SYTL3: variants seen among roughly 807,000 people sequenced by gnomAD.
The protein encoded by SYTL3 is synaptotagmin-like protein 3.
Under a neutral mutation model 82.1 loss-of-function variants are expected in SYTL3, and 88 were observed. That is an observed-to-expected ratio of 1.07 (90% CI 0.90 to 1.28). The LOEUF is 1.28. SYTL3 is among the 50% of genes most tolerant of loss of function. The probability of loss-of-function intolerance (pLI) is 0.00; values close to 1 mark genes in which losing one functional copy is unlikely to be tolerated. For synonymous variants in SYTL3, 311 were observed against 289.4 expected (o/e 1.07, Z -0.76); for missense variants, 831 against 757.6 (o/e 1.10, Z -1.14).
chr6:158,736,889 G>A (rs118082033), intron 11 of SYTL3, among the ~76,000 whole-genome samples: 3 of 152,130 alleles, frequency 2.0e-5, no homozygotes, highest in East Asian at 3.9e-4. Context: ...AGGAATGAGA[G>A]GGGATTTGAT....
In SYTL3 at chr6:158,665,585, T is replaced by G; in HGVS notation, c.301T>G (p.Trp101Gly). 7 of 1,574,100 alleles carry G rather than the reference T, an allele frequency of 4.4e-6. No individual in the cohort carries two copies. The highest frequency in any genetic ancestry group is 6.0e-6 in the Non-Finnish European group (7 of 1,159,838). ...AGTGTTCCTGAGGGGGACCCATGCC[T>G]GGAAGTGCACGGTGTGCTTCGAGGA... ...CRVFLRGTHAWKCTVCFEDRN... is the reference protein window; with the variant it reads ...CRVFLRGTHAGKCTVCFEDRN... The change falls in exon 5 of 18, where the codon TGG becomes GGG. Residue 101 changes from tryptophan to glycine, a missense_variant. Physicochemically the swap from Trp to Gly is radical, Grantham distance 184. Coordinates refer to ENST00000611299, the MANE Select transcript of SYTL3 (RefSeq NM_001242394.2).
At chr6:158,702,978 C>T (rs1387741364) in intron 6 of SYTL3, among the ~76,000 whole-genome samples, 6 of 151,870 alleles carry the variant, frequency 4.0e-5, no homozygotes, top group Admixed American at 1.3e-4. Flanking sequence ...TACGGTGAAA[C>T]CCCATCTCTA....
rs752997381 is a variant in SYTL3, at chr6:158,665,443, C to T, written c.159C>T (p.Asn53=). 7.5e-6 allele frequency: 12 copies of T among 1,608,542 alleles called. No homozygotes were observed. In the East Asian group the frequency reaches 2.2e-4, roughly 30 times the overall value. ...ATCTCCGGTGGAAAGGAGCGAAGAA[C>T]ACGGACTGGGAGCACAAAGAGAAGT... ...LQHLRWKGAK[N]TDWEHKEKCC... Residue 53 remains asparagine (N), a synonymous_variant, in exon 5 of 18, where the codon AAC becomes AAT. Transcript: ENST00000611299.
Position 158,663,236 on chromosome 6 carries a change from C to T in SYTL3, c.-33C>T, listed in dbSNP as rs1789575574. ...AGCGCTTGGTCCATGCAGTGAAGCT[C>T]TTCCAACCTGGGTCAACGAAAACGG... On this transcript the variant is annotated 5_prime_UTR_variant, in exon 4 of 18. Coordinates refer to ENST00000611299, the MANE Select transcript of SYTL3 (RefSeq NM_001242394.2). 5 of 1,608,824 alleles carry T rather than the reference C, an allele frequency of 3.1e-6. No homozygotes were observed. Among genetic ancestry groups the T allele is most frequent in the African/African-American group, 1.3e-5 (1 of 74,844 alleles).
rs749307666 is a variant in SYTL3 at position 158,757,244 on chromosome 6, C to T, written c.1171C>T (p.Gln391Ter). ...QVAPAQLVTRQLQVSVWHLGT... is the reference protein window; with the variant it reads ...QVAPAQLVTR ...GGCCCCTGCCCAGCTGGTGACCCGGCAGCTGCAGGTCTCGGTGTGGCATCT... is the reference window on the plus strand; with the variant it reads ...GGCCCCTGCCCAGCTGGTGACCCGGTAGCTGCAGGTCTCGGTGTGGCATCT... Residue 391 changes from glutamine (Q) to a stop codon, truncating the protein, a stop_gained, in exon 14 of 18, where the codon CAG (glutamine) becomes TAG (stop). Coordinates refer to ENST00000611299, the MANE Select transcript of SYTL3 (RefSeq NM_001242394.2). LOFTEE classifies it high-confidence loss of function. 1.2e-6 allele frequency: 2 copies of T among 1,611,750 alleles called. No individual in the cohort carries two copies. The highest frequency in any genetic ancestry group is 1.7e-6 in the Non-Finnish European group (2 of 1,179,886).
intron 2 of SYTL3, among the ~76,000 whole-genome samples, chr6:158,655,651 G>T (rs577805125): frequency 6.6e-6 from 1 of 152,202 alleles, no homozygotes; most frequent in Non-Finnish European, 1.5e-5. Context: ...CTGTCAGCCG[G>T]CATTAGCTGA....
chr6:158,734,913 C>T (rs548436767), intron 11 of SYTL3, among the ~76,000 whole-genome samples: 2 of 152,324 alleles, frequency 1.3e-5, no homozygotes, highest in East Asian at 3.9e-4. Context: ...GTGCTGTTAT[C>T]CCATTTCACA....
chr6:158,703,394 C>T (rs565696944), intron 6 of SYTL3, among the ~76,000 whole-genome samples: 75 of 152,216 alleles, frequency 4.9e-4, no homozygotes, highest in African/African-American at 1.8e-3. Context: ...GGTGGGGGCC[C>T]TTGGTCCAAA....
chr6:158,689,588 A>G (rs1225981526), intron 6 of SYTL3, among the ~76,000 whole-genome samples: 1 of 150,750 alleles, frequency 6.6e-6, no homozygotes, highest in Non-Finnish European at 1.5e-5. Context: ...ATGCTTCGAG[A>G]CTTCTTCCTT....
chr6:158,732,040 G>A (rs1785479454), intron 11 of SYTL3, among the ~76,000 whole-genome samples: 1 of 152,180 alleles, frequency 6.6e-6, no homozygotes, highest in South Asian at 2.1e-4. Context: ...GGAAGACATA[G>A]TAAGTTCCTT....
intron 13 of SYTL3, among the ~76,000 whole-genome samples, chr6:158,754,454 C>T (rs916530844): frequency 6.6e-6 from 1 of 152,234 alleles, no homozygotes; most frequent in African/African-American, 2.4e-5. Flanking sequence ...GGTGTGGTGG[C>T]TCACGCCTGT....
Position 158,692,252 on chromosome 6 carries a change from C to T in SYTL3, c.394+9263C>T, listed in dbSNP as rs554685676. On this transcript the variant is annotated intron_variant, in intron 6 of 17. Coordinates refer to ENST00000611299, the MANE Select transcript of SYTL3 (RefSeq NM_001242394.2). Reference sequence around the variant, plus strand: ...CAGCCTGGGCGACAGAGCGAGACTCCGTCTCAAAAAAAAAAAAAAAAAAAA... The same window carrying T: ...CAGCCTGGGCGACAGAGCGAGACTCTGTCTCAAAAAAAAAAAAAAAAAAAA... Among the ~76,000 whole-genome samples, 514 of 58,228 alleles carry T rather than the reference C, an allele frequency of 8.8e-3. 1 individual carries two copies. The highest frequency in any genetic ancestry group is 0.012 in the Non-Finnish European group (384 of 32,058). The allele number at this position is 58,228 out of a possible 152,430, so 38.2% of individuals were successfully genotyped here.
rs1345805799 is a variant in SYTL3, at chr6:158,762,164, C to T, written c.1503C>T (p.Asn501=). Residue 501 remains asparagine (N), a synonymous_variant, in exon 16 of 18, where the codon AAC becomes AAT. Transcript: ENST00000611299. ...CTGTGCGGCCAGATGGCACCTTGAA[C>T]TCATTTGTTAAGGGGTAGGTATTCG... ...NLPVRPDGTL[N]SFVKGCLTLP... 6.2e-7 allele frequency: 1 copy of T among 1,612,738 alleles called. No individual in the cohort carries two copies.
At chr6:158,657,283 G>A (rs552243550) in intron 2 of SYTL3, among the ~76,000 whole-genome samples, 26 of 152,018 alleles carry the variant, frequency 1.7e-4, no homozygotes, top group African/African-American at 5.3e-4. Context: ...AAAATTAGCC[G>A]TGTGTGATGG....
At chr6:158,733,559 C>T (rs903261287) in intron 11 of SYTL3, among the ~76,000 whole-genome samples, 2 of 151,888 alleles carry the variant, frequency 1.3e-5, no homozygotes, top group Non-Finnish European at 2.9e-5. Context: ...GATCTCCTGA[C>T]CTCGTGATCC....
intron 5 of SYTL3, among the ~76,000 whole-genome samples, chr6:158,672,805 G>A (rs559374281): frequency 4.6e-5 from 7 of 151,788 alleles, no homozygotes; most frequent in African/African-American, 1.5e-4. Flanking sequence ...CTAATTTTTT[G>A]TATTTTTTTG....
In SYTL3 at chr6:158,663,344, C is replaced by A. The variant is rs541677337; in HGVS notation, c.76C>A (p.Gln26Lys). 6.2e-6 allele frequency: 10 copies of A among 1,614,018 alleles called. No homozygotes were observed. Among genetic ancestry groups the A allele is most frequent in the Non-Finnish European group, 8.5e-6 (10 of 1,180,022 alleles). Residue 26 changes from glutamine (Q) to lysine (K), a missense_variant, in exon 4 of 18, where the codon CAG becomes AAG. Transcript: ENST00000611299. ...CATTCTCCAGGTCCTGTACCGAGAC[C>A]AGGCGGTTCAAAACACAGAGGAGGA... ...EAILQVLYRD[Q>K]AVQNTEEERT...
intron 10 of SYTL3, among the ~76,000 whole-genome samples, chr6:158,724,687 A>G (rs780412862): frequency 2.3e-4 from 35 of 152,202 alleles, no homozygotes; most frequent in Non-Finnish European, 4.1e-4. Context: ...GCTAGTGACT[A>G]CCATATTGGA....
intron 6 of SYTL3, among the ~76,000 whole-genome samples, chr6:158,701,067 T>C (rs1246578194): frequency 6.6e-6 from 1 of 152,030 alleles, no homozygotes; most frequent in African/African-American, 2.4e-5. Context: ...AGTGCAGGCG[T>C]GCACAGTAAC....
Sources: allele counts gnomAD v4.1 joint callset (sites outside exome capture counted in the v4.1 genomes callset), GRCh38; gene constraint gnomAD v4.1.1; transcripts MANE v1.5; gene names NCBI Gene and HGNC (gene_info 2026-07-23, HGNC 2026-07-21).